Variants in LTC4S observed in about 807,000 individuals in gnomAD.
LTC4S encodes the protein LTC4 synthase.
Under a neutral mutation model 19.6 loss-of-function variants are expected in LTC4S, and 18 were observed. The ratio of observed to expected loss-of-function variants is 0.92; its 90% confidence interval spans 0.64 to 1.36. LTC4S has a LOEUF of 1.36. Ranked by LOEUF, LTC4S falls within the 40% of genes most tolerant of loss-of-function variation. The probability of loss-of-function intolerance (pLI) is 0.00; values close to 1 mark genes in which losing one functional copy is unlikely to be tolerated. For missense variants in LTC4S, 235 were observed against 212.2 expected (o/e 1.11, Z -0.67); for synonymous variants, 126 against 110.1 (o/e 1.14, Z -0.91).
chr5:179,796,038 G>A lies in LTC4S; in HGVS notation c.311+16G>A. On this transcript the variant is annotated intron_variant, in intron 4 of 4. Transcript: ENST00000292596. ...CGCAGCTCAGGTGAGGGCCGGGCGGGGAGCGGGGCGGGGCCGGGGAAAGAT... is the reference window on the plus strand; with the variant it reads ...CGCAGCTCAGGTGAGGGCCGGGCGGAGAGCGGGGCGGGGCCGGGGAAAGAT... 1.3e-6 allele frequency: 2 copies of A among 1,511,528 alleles called. No individual in the cohort carries two copies. Among genetic ancestry groups the A allele is most frequent in the East Asian group, 2.6e-5 (1 of 38,392 alleles). The allele number at this position is 1,511,528 out of a possible 1,614,324, so 93.6% of individuals were successfully genotyped here. A position where few individuals can be genotyped will look rare whatever the true frequency, so the allele number is the denominator to read the frequency against.
At chr5:179,795,444 C>CGGGCGGGGA in intron 1 of LTC4S, 140 bp from the exon 2 acceptor site, 1 of 1,069,838 alleles carries the variant, frequency 9.3e-7, no homozygotes, top group Non-Finnish European at 1.4e-6. Flanking sequence ...GAGGTCTCCT[C>CGGGCGGGGA]GGGCGGGGAG....
Position 179,796,371 on chromosome 5 carries a change from C to A in LTC4S, c.430C>A (p.Arg144=). The change falls in exon 5 of 5, where the codon CGG becomes AGG. Residue 144 remains arginine (R), a synonymous_variant. Transcript: ENST00000292596. ...ALRAALLGRL[R]TLLPWA ...GCGCGCCGCGCTCCTCGGACGGCTC[C>A]GGACGCTGCTGCCGTGGGCCTGAGA... is the stretch of plus-strand genomic sequence containing the variant. 6.7e-7 allele frequency: 1 copy of A among 1,497,760 alleles called. No homozygotes were observed. Among genetic ancestry groups the A allele is most frequent in the Non-Finnish European group, 8.8e-7 (1 of 1,131,244 alleles). The allele number at this position is 1,497,760 out of a possible 1,614,324, so 92.8% of individuals were successfully genotyped here.
At chr5:179,795,127 CTG>C (rs2113411685) in intron 1 of LTC4S, among the ~76,000 whole-genome samples, 1 of 152,254 alleles carries the variant, frequency 6.6e-6, no homozygotes, top group South Asian at 2.1e-4. Flanking sequence ...TGACCAGGGA[CTG>C]TTAGCTACAG....
At chr5:179,794,980 GTGTC>G (rs1412747089) in intron 1 of LTC4S, among the ~76,000 whole-genome samples, 1 of 152,188 alleles carries the variant, frequency 6.6e-6, no homozygotes, top group African/African-American at 2.4e-5. Context: ...AGGAGAGAAG[GTGTC>G]TGTCAGATTT....
In LTC4S at chr5:179,796,496, A is replaced by G. The variant is rs1313747447; in HGVS notation, c.*102A>G. ...TCCGCATCCTAGTCTCTATCATTAA[A>G]GTTCTAGTGACCGAGACCCGGGCTG... On this transcript the variant is annotated 3_prime_UTR_variant, in exon 5 of 5. Transcript: ENST00000292596. The G allele has an allele frequency of 8.2e-6, 11 of 1,346,066 alleles. No individual in the cohort carries two copies. The highest frequency in any genetic ancestry group is 1.0e-5 in the Non-Finnish European group (11 of 1,049,698). 83.4% of individuals were successfully genotyped at this position (1,346,066 alleles called of 1,614,324 possible). A position where few individuals can be genotyped will look rare whatever the true frequency, so the allele number is the denominator to read the frequency against.
At chr5:179,796,070 C>T in intron 4 of LTC4S, 48 bp downstream of exon 4, 3 of 989,882 alleles carry the variant, frequency 3.0e-6, no homozygotes, top group Non-Finnish European at 4.0e-6. Context: ...AGATCGCGGG[C>T]GGGCGGGGCT....
rs1241855949 is a variant in LTC4S, at chr5:179,796,032, G to T, written c.311+10G>T. ...GCTCCGCGCAGCTCAGGTGAGGGCC[G>T]GGCGGGGAGCGGGGCGGGGCCGGGG... On this transcript the variant is annotated intron_variant, in intron 4 of 4. Coordinates refer to ENST00000292596, the MANE Select transcript of LTC4S (RefSeq NM_145867.2). 4.6e-6 allele frequency: 7 copies of T among 1,514,342 alleles called. No individual in the cohort carries two copies. The highest frequency in any genetic ancestry group is 4.3e-5 in the African/African-American group (3 of 69,900). The allele number at this position is 1,514,342 out of a possible 1,614,324, so 93.8% of individuals were successfully genotyped here. A position where few individuals can be genotyped will look rare whatever the true frequency, so the allele number is the denominator to read the frequency against.
At position 179,795,870 on chromosome 5, in the gene LTC4S, G is replaced by T; in HGVS notation, c.229+14G>T. On this transcript the variant is annotated intron_variant, in intron 3 of 4. Transcript: ENST00000292596. The stretch of plus-strand genomic sequence containing the variant: ...TCTTTCATGAAGGTCGGGGTGTGGG[G>T]CAGGGGCGCACGCGCTGGACCCCCG... The T allele has an allele frequency of 6.2e-7, 1 of 1,603,782 alleles. No homozygotes were observed.
intron 1 of LTC4S, chr5:179,795,158 C>T (rs1339794758): frequency 1.3e-5 from 3 of 224,648 alleles, no homozygotes; most frequent in African/African-American, 7.1e-5. Context: ...CTTCCTTGCA[C>T]CTGGGAGGAT....
Position 179,796,032 on chromosome 5 carries a change from G to A in LTC4S, c.311+10G>A, listed in dbSNP as rs1241855949. ...GCTCCGCGCAGCTCAGGTGAGGGCC[G>A]GGCGGGGAGCGGGGCGGGGCCGGGG... is the stretch of plus-strand genomic sequence containing the variant. On this transcript the variant is annotated intron_variant, in intron 4 of 4. Coordinates refer to ENST00000292596, the MANE Select transcript of LTC4S (RefSeq NM_145867.2). 19 of 1,514,344 alleles carry A rather than the reference G, an allele frequency of 1.3e-5. No homozygotes were observed. The highest frequency in any genetic ancestry group is 2.3e-4 in the Middle Eastern group (1 of 4,344). 93.8% of individuals were successfully genotyped at this position (1,514,344 alleles called of 1,614,324 possible).
At chr5:179,795,447 G>A in intron 1 of LTC4S, 137 bp from the exon 2 acceptor site, 2 of 1,490,276 alleles carry the variant, frequency 1.3e-6, no homozygotes, top group South Asian at 2.6e-5. Flanking sequence ...GTCTCCTCGG[G>A]CGGGGAGGGG....
chr5:179,795,212 G>A (rs1359768095), intron 1 of LTC4S: 3 of 332,058 alleles, frequency 9.0e-6, no homozygotes, highest in Non-Finnish European at 1.5e-5. Context: ...TTCCTGGCCA[G>A]GGACCTGAAA....
intron 1 of LTC4S, 52 bp from the exon 2 acceptor site, chr5:179,795,532 C>T (rs1756574630): frequency 1.3e-6 from 2 of 1,562,954 alleles, no homozygotes; most frequent in African/African-American, 1.4e-5. Context: ...CCACTCCCAT[C>T]TCTGGGGCTT....
chr5:179,796,586 T>C lies in LTC4S; in HGVS notation c.*192T>C. 5.9e-6 allele frequency: 5 copies of C among 843,234 alleles called. No individual in the cohort carries two copies. Among genetic ancestry groups the C allele is most frequent in the Non-Finnish European group, 8.1e-6 (5 of 616,240 alleles). 52.2% of individuals were successfully genotyped at this position (843,234 alleles called of 1,614,324 possible). On this transcript the variant is annotated 3_prime_UTR_variant, in exon 5 of 5. Coordinates refer to ENST00000292596, the MANE Select transcript of LTC4S (RefSeq NM_145867.2). Reference sequence around the variant, plus strand: ...GGAGCCTGGAGGGGCCCAGCCCGAGTCCGGGCAGCCCGGGGCGGGCTTCCT... The same window carrying C: ...GGAGCCTGGAGGGGCCCAGCCCGAGCCCGGGCAGCCCGGGGCGGGCTTCCT...
chr5:179,794,892 G>A (rs889836970), intron 1 of LTC4S, among the ~76,000 whole-genome samples: 2 of 152,210 alleles, frequency 1.3e-5, no homozygotes, highest in African/African-American at 4.8e-5. Flanking sequence ...TTTAGGGCCA[G>A]CCCACCCTCT....
intron 4 of LTC4S, 54 bp downstream of exon 4, chr5:179,796,076 G>T: frequency 6.9e-7 from 1 of 1,441,998 alleles, no homozygotes; most frequent in South Asian, 1.3e-5. Context: ...CGGGCGGGCG[G>T]GGCTCCTGGG....
chr5:179,794,124 G>A lies in LTC4S; in HGVS notation c.44G>A (p.Gly15Glu). 6.2e-7 allele frequency: 1 copy of A among 1,613,536 alleles called. No individual in the cohort carries two copies. The highest frequency in any genetic ancestry group is 1.1e-5 in the South Asian group (1 of 91,078). The change falls in exon 1 of 5, where the codon GGA becomes GAA. Residue 15 changes from glycine to glutamate, a missense_variant. Physicochemically the swap from Gly to Glu is moderately conservative, Grantham distance 98 (BLOSUM62 -2). Transcript: ENST00000292596. ...CTACTGGCTGCTGTCACCCTCCTGG[G>A]AGTCCTGCTGCAAGGTGGGCTGGTT... is the stretch of plus-strand genomic sequence containing the variant. The part of the protein sequence containing the change: ...VALLAAVTLL[G>E]VLLQAYFSLQ...
chr5:179,795,643 A>C lies in LTC4S; in HGVS notation c.118A>C (p.Thr40Pro), dbSNP rs751680281. Residue 40 changes from threonine (T) to proline (P), a missense_variant, in exon 2 of 5, where the codon ACC becomes CCC. Thr to Pro is a conservative substitution (Grantham distance 38). Coordinates refer to ENST00000292596, the MANE Select transcript of LTC4S (RefSeq NM_145867.2). ...RRAFRVSPPL[T>P]TGPPEFERVY... ...GGCCTTCCGCGTGTCGCCGCCGCTC[A>C]CCACCGGCCCACCCGAGTTCGAGCG... The C allele has an allele frequency of 1.9e-6, 3 of 1,609,056 alleles. No homozygotes were observed. In the East Asian group the frequency reaches 6.7e-5, roughly 36 times the overall value.
chr5:179,796,425 A>G lies in LTC4S; in HGVS notation c.*31A>G. On this transcript the variant is annotated 3_prime_UTR_variant, in exon 5 of 5. Transcript: ENST00000292596. ...AGGCCCCCGGGCCGACGGAGCCGGG[A>G]AAGAAGAGCCGGAGCCTCCAGCTGC... is the stretch of plus-strand genomic sequence containing the variant. The G allele has an allele frequency of 6.8e-7, 1 of 1,472,678 alleles. No individual in the cohort carries two copies. The allele number at this position is 1,472,678 out of a possible 1,614,324, so 91.2% of individuals were successfully genotyped here.
Sources: gnomAD v4.1 joint callset for allele counts (sites outside exome capture counted in the v4.1 genomes callset) on GRCh38, gnomAD v4.1.1 for gene constraint, MANE v1.5 for transcripts, NCBI Gene and HGNC (gene_info 2026-07-23, HGNC 2026-07-21) for gene names.